Variants in GABRA4 observed in about 807,000 individuals in gnomAD.
GABRA4 encodes the protein gamma-aminobutyric acid receptor subunit alpha-4.
GABRA4 carries 12 observed loss-of-function variants against 49.7 expected under a neutral mutation model. The observed-to-expected ratio is 0.24, with a 90% confidence interval of 0.15 to 0.39. The LOEUF is 0.39. GABRA4 is among the 10% of genes least tolerant of loss of function. The pLI, the probability that GABRA4 is intolerant of heterozygous loss-of-function variation, is 1.00. For missense variants in GABRA4, 506 were observed against 686.0 expected (o/e 0.74, Z 2.93); for synonymous variants, 288 against 240.2 (o/e 1.20, Z -1.84).
chr4:46,961,205 C>T (rs6844842), intron 8 of GABRA4, among the ~76,000 whole-genome samples: 79,038 of 151,658 alleles, frequency 0.52, 20,921 homozygotes, highest in East Asian at 0.7. Context: ...CCTGCACACA[C>T]GCCATTCTTA....
rs1466325592 is a variant in GABRA4, at chr4:46,992,973, G to A, written c.87-27C>T. 8 of 1,454,102 alleles carry A rather than the reference G, an allele frequency of 5.5e-6. No homozygotes were observed. The South Asian group carries it at 9.1e-5, about 17-fold the overall frequency. 90.1% of individuals were successfully genotyped at this position (1,454,102 alleles called of 1,614,324 possible). A position where few individuals can be genotyped will look rare whatever the true frequency, so the allele number is the denominator to read the frequency against. On this transcript the variant is annotated intron_variant, in intron 1 of 8. Transcript: ENST00000264318. ...TGCAAGCGAAAAAAAAAAAACCGGG[G>A]GCGGAGGAGATTATTTTAAGAATCC...
intron 8 of GABRA4, among the ~76,000 whole-genome samples, chr4:46,930,470 A>G (rs939827756): frequency 6.6e-6 from 1 of 152,116 alleles, no homozygotes; most frequent in Non-Finnish European, 1.5e-5. Flanking sequence ...TTTAAAGAGC[A>G]TATATAATCA....
intron 5 of GABRA4, among the ~76,000 whole-genome samples, chr4:46,975,046 C>T (rs555672478): frequency 2.0e-5 from 3 of 151,912 alleles, no homozygotes; most frequent in South Asian, 2.1e-4. Flanking sequence ...AAATCTCTCC[C>T]GGTGGCAATT....
At position 46,920,158 on chromosome 4, in the gene GABRA4, A is replaced by AT. The variant is rs1720929963; in HGVS notation, c.*8066dup. ...TCAATCAAACTTTAACTGAAATGCT[A>AT]TACATTGTCTGTTATCAGAGCTTCT... On this transcript the variant is annotated 3_prime_UTR_variant, in exon 9 of 9. Transcript: ENST00000264318. 6.6e-6 allele frequency: 1 copy of AT among 151,736 alleles called. No homozygotes were observed. Among genetic ancestry groups the AT allele is most frequent in the Admixed American group, 6.6e-5 (1 of 15,200 alleles). The allele number at this position is 151,736 out of a possible 1,614,324, so 9.4% of individuals were successfully genotyped here.
At chr4:46,957,645 C>T (rs539337694) in intron 8 of GABRA4, among the ~76,000 whole-genome samples, 84 of 152,096 alleles carry the variant, frequency 5.5e-4, no homozygotes, top group African/African-American at 1.6e-3. Context: ...CTTCATCTCT[C>T]TTCCCTATCC....
chr4:46,960,678 TATA>T (rs1199004729), intron 8 of GABRA4, among the ~76,000 whole-genome samples: 1 of 151,588 alleles, frequency 6.6e-6, no homozygotes, highest in African/African-American at 2.4e-5. Flanking sequence ...AGCAAATAAT[TATA>T]ATAATATTAC....
chr4:46,968,924 A>G (rs1722858228), intron 7 of GABRA4, among the ~76,000 whole-genome samples: 1 of 151,690 alleles, frequency 6.6e-6, no homozygotes, highest in South Asian at 2.1e-4. Flanking sequence ...TAATTCTCAA[A>G]TGAAGTAGAC....
intron 8 of GABRA4, among the ~76,000 whole-genome samples, chr4:46,959,556 C>T (rs1722490326): frequency 6.6e-6 from 1 of 151,638 alleles, no homozygotes. Context: ...TGAACTTAGC[C>T]AATGGAATGA....
Position 46,977,332 on chromosome 4 carries a change from GGA to G in GABRA4, c.494+76_494+77del, listed in dbSNP as rs1560480990. On this transcript the variant is annotated intron_variant, in intron 4 of 8. Coordinates refer to ENST00000264318, the MANE Select transcript of GABRA4 (RefSeq NM_000809.4). Reference sequence around the variant, plus strand: ...AGGGAGGGAGGAAGGGAGGGAGGAAGGAAGGAAGGAAGGAAGAAAGGAAAGGA... The same window carrying G: ...AGGGAGGGAGGAAGGGAGGGAGGAAGAGGAAGGAAGGAAGAAAGGAAAGGA... The G allele has an allele frequency of 9.5e-5, 78 of 818,742 alleles. No individual in the cohort carries two copies. The South Asian group carries it at 1.4e-3, about 15-fold the overall frequency. 50.7% of individuals were successfully genotyped at this position (818,742 alleles called of 1,614,324 possible).
In GABRA4 at chr4:46,928,496, G is replaced by A. The variant is rs1300824880; in HGVS notation, c.1394C>T (p.Pro465Leu). Residue 465 changes from proline (P) to leucine (L), a missense_variant, in exon 9 of 9, where the codon CCT (proline) becomes CTT (leucine). Pro to Leu is a moderately conservative substitution (Grantham distance 98). Around this residue, in one of 5 missense-constraint regions of GABRA4, gnomAD observed 243 missense variants for 210.8 expected, o/e 1.15. Transcript: ENST00000264318. ...SPTSIRTGYM[P>L]RKASVGSAST... ...AGCAGATCCAACTGAAGCCTTTCGA[G>A]GCATATATCCAGTTCGGATAGAAGT... 6.2e-7 allele frequency: 1 copy of A among 1,613,624 alleles called. No individual in the cohort carries two copies. Among genetic ancestry groups the A allele is most frequent in the South Asian group, 1.1e-5 (1 of 91,080 alleles).
In GABRA4 at chr4:46,928,184, G is replaced by C. The variant is rs1721299266; in HGVS notation, c.*41C>G. 61 of 1,434,668 alleles carry C rather than the reference G, an allele frequency of 4.3e-5. No homozygotes were observed. The highest frequency in any genetic ancestry group is 5.7e-5 in the Non-Finnish European group (60 of 1,059,046). 88.9% of individuals were successfully genotyped at this position (1,434,668 alleles called of 1,614,324 possible). On this transcript the variant is annotated 3_prime_UTR_variant, in exon 9 of 9. Coordinates refer to ENST00000264318, the MANE Select transcript of GABRA4 (RefSeq NM_000809.4). ...TTAAAAACATTTAAAAAGACATTCTGCATTTTCATCATCTTTTAGCAAACT... is the reference window on the plus strand; with the variant it reads ...TTAAAAACATTTAAAAAGACATTCTCCATTTTCATCATCTTTTAGCAAACT...
intron 8 of GABRA4, among the ~76,000 whole-genome samples, chr4:46,938,923 A>T (rs1721698442): frequency 6.6e-6 from 1 of 152,062 alleles, no homozygotes; most frequent in South Asian, 2.1e-4. Context: ...ATTTCTCTCA[A>T]GAATCACAAA....
At chr4:46,929,380 G>A (rs1329487755) in intron 8 of GABRA4, among the ~76,000 whole-genome samples, 1 of 151,850 alleles carries the variant, frequency 6.6e-6, no homozygotes, top group Non-Finnish European at 1.5e-5. Context: ...TTCAATTAAT[G>A]ATGAAAATAC....
intron 8 of GABRA4, among the ~76,000 whole-genome samples, chr4:46,958,797 T>A (rs1295498358): frequency 1.3e-5 from 2 of 151,904 alleles, no homozygotes; most frequent in Non-Finnish European, 2.9e-5. Context: ...CTGTGCCAGG[T>A]TATCAACAAC....
At chr4:46,968,487 G>T (rs941152929) in intron 7 of GABRA4, among the ~76,000 whole-genome samples, 1 of 151,484 alleles carries the variant, frequency 6.6e-6, no homozygotes, top group African/African-American at 2.4e-5. Context: ...AAGACAGACT[G>T]ACTGAGTTGT....
intron 8 of GABRA4, among the ~76,000 whole-genome samples, chr4:46,964,283 G>A (rs1722676936): frequency 6.6e-6 from 1 of 151,790 alleles, no homozygotes; most frequent in Admixed American, 6.6e-5. Flanking sequence ...CGGGAGTTTG[G>A]TGGAGGGAAG....
Position 46,925,455 on chromosome 4 carries a change from T to C in GABRA4, c.*2770A>G, listed in dbSNP as rs1721186132. On this transcript the variant is annotated 3_prime_UTR_variant, in exon 9 of 9. Coordinates refer to ENST00000264318, the MANE Select transcript of GABRA4 (RefSeq NM_000809.4). Reference sequence around the variant, plus strand: ...GCAGATACTAGGTCCTGAATAAAATTATTCTGAATTTCATCTTTAAAAGAG... The same window carrying C: ...GCAGATACTAGGTCCTGAATAAAATCATTCTGAATTTCATCTTTAAAAGAG... 1 of 151,828 alleles carries C rather than the reference T, an allele frequency of 6.6e-6. No individual in the cohort carries two copies. Among genetic ancestry groups the C allele is most frequent in the Non-Finnish European group, 1.5e-5 (1 of 67,852 alleles). 9.4% of individuals were successfully genotyped at this position (151,828 alleles called of 1,614,324 possible). A position where few individuals can be genotyped will look rare whatever the true frequency, so the allele number is the denominator to read the frequency against.
At position 46,919,392 on chromosome 4, in the gene GABRA4, G is replaced by T. The variant is rs1462707693; in HGVS notation, c.*8833C>A. ...TGAATAAAATTGCCAATTTCAGGGA[G>T]TCAAATGTGATTACTAAAACCTCAA... On this transcript the variant is annotated 3_prime_UTR_variant, in exon 9 of 9. Coordinates refer to ENST00000264318, the MANE Select transcript of GABRA4 (RefSeq NM_000809.4). 6.6e-6 allele frequency: 1 copy of T among 151,424 alleles called. No homozygotes were observed. Among genetic ancestry groups the T allele is most frequent in the Non-Finnish European group, 1.5e-5 (1 of 67,540 alleles). The allele number at this position is 151,424 out of a possible 1,614,324, so 9.4% of individuals were successfully genotyped here.
intron 8 of GABRA4, among the ~76,000 whole-genome samples, chr4:46,929,623 C>A (rs961148604): frequency 6.6e-6 from 1 of 152,036 alleles, no homozygotes; most frequent in African/African-American, 2.4e-5. Context: ...TAACTATATA[C>A]ATAATTAATT....
Sources: allele counts gnomAD v4.1 joint callset (sites outside exome capture counted in the v4.1 genomes callset), GRCh38; gene constraint gnomAD v4.1.1; regional missense constraint gnomAD v4.1.1; transcripts MANE v1.5; gene names NCBI Gene and HGNC (gene_info 2026-07-23, HGNC 2026-07-21).